Variants in DLG1 observed in about 807,000 individuals in gnomAD.
DLG1 encodes the protein disks large homolog 1.
Under a neutral mutation model 123.4 loss-of-function variants are expected in DLG1, and 42 were observed. The observed-to-expected ratio is 0.34, with a 90% CI of 0.27 to 0.44. The LOEUF is 0.44. DLG1 is among the 20% of genes least tolerant of loss of function. DLG1 has a pLI of 1.00. For missense variants in DLG1, 942 were observed against 1,082.6 expected (o/e 0.87, Z 1.82); for synonymous variants, 317 against 356.2 (o/e 0.89, Z 1.24).
intron 4 of DLG1, among the ~76,000 whole-genome samples, chr3:197,272,256 G>A (rs749775855): frequency 5.3e-5 from 8 of 152,024 alleles, no homozygotes; most frequent in Non-Finnish European, 1.5e-5. Flanking sequence ...GGAGGCTGAG[G>A]CAGAGGATAG....
chr3:197,243,101 G>A (rs1561643502), intron 4 of DLG1, among the ~76,000 whole-genome samples: 1 of 152,180 alleles, frequency 6.6e-6, no homozygotes, highest in Admixed American at 6.6e-5. Context: ...GAAAGCAGGG[G>A]TTTTTATTCC....
At chr3:197,169,857 C>T (rs946987130) in intron 5 of DLG1, among the ~76,000 whole-genome samples, 1 of 152,128 alleles carries the variant, frequency 6.6e-6, no homozygotes, top group African/African-American at 2.4e-5. Flanking sequence ...TTTCATCACC[C>T]ACATATTAAG....
intron 5 of DLG1, among the ~76,000 whole-genome samples, chr3:197,166,111 G>A (rs1801264033): frequency 6.6e-6 from 1 of 152,206 alleles, no homozygotes; most frequent in Non-Finnish European, 1.5e-5. Flanking sequence ...GGCAGCCTGT[G>A]TGTGGTTGGA....
intron 4 of DLG1, among the ~76,000 whole-genome samples, chr3:197,238,328 G>A (rs1578505652): frequency 1.3e-5 from 2 of 152,132 alleles, no homozygotes; most frequent in Non-Finnish European, 2.9e-5. Context: ...CACCACAGAT[G>A]TTAGACTTAC....
intron 5 of DLG1, among the ~76,000 whole-genome samples, chr3:197,190,932 C>T (rs767437881): frequency 1.8e-4 from 28 of 152,150 alleles, no homozygotes; most frequent in Admixed American, 5.9e-4. Context: ...ATGGCGTGAA[C>T]CCGGGAGGCG....
intron 23 of DLG1, among the ~76,000 whole-genome samples, chr3:197,059,019 G>A (rs1035091762): frequency 2.0e-5 from 3 of 152,154 alleles, no homozygotes; most frequent in African/African-American, 7.2e-5. Context: ...TCCGCCTCCT[G>A]GGTTCACGCC....
intron 4 of DLG1, among the ~76,000 whole-genome samples, chr3:197,276,615 T>C (rs1292890535): frequency 6.6e-6 from 1 of 152,208 alleles, no homozygotes; most frequent in Non-Finnish European, 1.5e-5. Context: ...TTTTTCTTAG[T>C]TTCTATAAGA....
In DLG1 at chr3:197,103,490, C is replaced by G. The variant is rs112680304; in HGVS notation, c.1546+1413G>C. ...TGTTGGCCAGAAGATAAAAGTACAA[C>G]ATAGGGTCCCATTGGCAGATTTGTT... On this transcript the variant is annotated intron_variant, in intron 14 of 24. Coordinates refer to ENST00000667157, the MANE Select transcript of DLG1 (RefSeq NM_001366207.1). Among the ~76,000 whole-genome samples, 1,237 of 152,064 alleles carry G rather than the reference C, an allele frequency of 8.1e-3. 13 individuals carry two copies. Among genetic ancestry groups the G allele is most frequent in the African/African-American group, 0.027 (1,128 of 41,472 alleles).
chr3:197,047,202 A>G (rs575053536), intron 24 of DLG1, among the ~76,000 whole-genome samples: 34 of 152,314 alleles, frequency 2.2e-4, no homozygotes, highest in Admixed American at 1.8e-3. Context: ...TAAAACTATG[A>G]TTCTATAAGG....
Position 197,043,538 on chromosome 3 carries a change from T to C in DLG1, c.*1085A>G, listed in dbSNP as rs1560258352. 6.6e-6 allele frequency: 1 copy of C among 151,842 alleles called. No homozygotes were observed. Among genetic ancestry groups the C allele is most frequent in the Non-Finnish European group, 1.5e-5 (1 of 67,932 alleles). The allele number at this position is 151,842 out of a possible 1,614,324, so 9.4% of individuals were successfully genotyped here. ...TTAATTTAAAAACCAAACAAAAAGT[T>C]AGGAGTAGGTGGCAAAAGAAACAAA... is the stretch of plus-strand genomic sequence containing the variant. On this transcript the variant is annotated 3_prime_UTR_variant, in exon 25 of 25. Coordinates refer to ENST00000667157, the MANE Select transcript of DLG1 (RefSeq NM_001366207.1).
intron 4 of DLG1, among the ~76,000 whole-genome samples, chr3:197,214,310 T>A (rs1187361113): frequency 6.6e-6 from 1 of 152,026 alleles, no homozygotes. Flanking sequence ...GAAATGATAT[T>A]CAGGGCCAGG....
chr3:197,297,540 C>T (rs1778075154), intron 1 of DLG1: 1 of 1,133,180 alleles, frequency 8.8e-7, no homozygotes, highest in Non-Finnish European at 1.1e-6. Context: ...TCCACACTCC[C>T]CACCTGCTAC....
chr3:197,099,022 T>G (rs531357505), intron 14 of DLG1, among the ~76,000 whole-genome samples: 45 of 152,238 alleles, frequency 3.0e-4, no homozygotes, highest in Non-Finnish European at 6.3e-4. Context: ...TTACCTATCC[T>G]GTGTATATTT....
chr3:197,258,462 C>T (rs915496901), intron 4 of DLG1, among the ~76,000 whole-genome samples: 42 of 152,230 alleles, frequency 2.8e-4, no homozygotes, highest in African/African-American at 9.4e-4. Context: ...AACTAATCAT[C>T]ATTGCTTTAG....
intron 4 of DLG1, among the ~76,000 whole-genome samples, chr3:197,256,065 A>G (rs1756720528): frequency 6.6e-6 from 1 of 152,240 alleles, no homozygotes. Context: ...GAATGGCGCT[A>G]ATAAAGAAAG....
At chr3:197,053,338 T>A (rs559174092) in intron 23 of DLG1, among the ~76,000 whole-genome samples, 137 of 152,386 alleles carry the variant, frequency 9.0e-4, no homozygotes, top group Non-Finnish European at 1.6e-3. Context: ...CAGTTTTAAT[T>A]TATCTGGGCA....
At chr3:197,180,226 C>T (rs539020621) in intron 5 of DLG1, among the ~76,000 whole-genome samples, 7 of 152,172 alleles carry the variant, frequency 4.6e-5, no homozygotes, top group Non-Finnish European at 1.0e-4. Context: ...TAATAAACGT[C>T]GATATCACTA....
At chr3:197,248,379 C>T (rs1360564489) in intron 4 of DLG1, among the ~76,000 whole-genome samples, 1 of 152,166 alleles carries the variant, frequency 6.6e-6, no homozygotes, top group Admixed American at 6.6e-5. Context: ...ACCCCTGAGG[C>T]CACCACAATG....
At chr3:197,219,375 T>C (rs1488961350) in intron 4 of DLG1, among the ~76,000 whole-genome samples, 1 of 152,212 alleles carries the variant, frequency 6.6e-6, no homozygotes, top group Non-Finnish European at 1.5e-5. Flanking sequence ...CTTGGCAATC[T>C]CCCTTGATGA....
Sources: allele counts gnomAD v4.1 joint callset (sites outside exome capture counted in the v4.1 genomes callset), GRCh38; gene constraint gnomAD v4.1.1; transcripts MANE v1.5; gene names NCBI Gene and HGNC (gene_info 2026-07-23, HGNC 2026-07-21).